ZNF267: variants seen among roughly 807,000 people sequenced by gnomAD.
ZNF267 encodes zinc finger (C2H2).
In ZNF267, 61 loss-of-function variants were observed where a neutral mutation model predicts 71.6. That is an observed-to-expected ratio of 0.85 (90% CI 0.69 to 1.05). The LOEUF is 1.05. Among genes scored for constraint, ZNF267 ranks in the 50% least tolerant of loss-of-function variants. The pLI, the probability that ZNF267 is intolerant of heterozygous loss-of-function variation, is 0.00. For missense variants in ZNF267, 852 were observed against 870.0 expected, an observed-to-expected ratio of 0.98 and a Z score of 0.26; for synonymous variants, 288 against 293.2, an observed-to-expected ratio of 0.98 and a Z score of 0.18.
chr16:31,873,824 C>T lies in ZNF267; in HGVS notation c.-143C>T, dbSNP rs558306958. ...TCGGCTCCAGTTAGAGCTCGGGTCT[C>T]CTCGCCACAGCTCCGAGTCTTTCGT... On this transcript the variant is annotated 5_prime_UTR_variant, in exon 1 of 4. Coordinates refer to ENST00000300870, the MANE Select transcript of ZNF267 (RefSeq NM_003414.6). 5 of 1,190,954 alleles carry T rather than the reference C, an allele frequency of 4.2e-6. No homozygotes were observed. The highest frequency in any genetic ancestry group is 2.5e-5 in the East Asian group (1 of 39,992). 73.8% of individuals were successfully genotyped at this position (1,190,954 alleles called of 1,614,324 possible). A position where few individuals can be genotyped will look rare whatever the true frequency, so the allele number is the denominator to read the frequency against.
chr16:31,887,397 T>A (rs898592101), intron 3 of ZNF267, among the ~76,000 whole-genome samples: 2 of 152,128 alleles, frequency 1.3e-5, no homozygotes, highest in Non-Finnish European at 2.9e-5. Flanking sequence ...TTTCATTTAA[T>A]GCTACTTGTT....
At position 31,915,467 on chromosome 16, in the gene ZNF267, A is replaced by C; in HGVS notation, c.1218A>C (p.Lys406Asn). The change falls in exon 4 of 4, where the codon AAA becomes AAC. Residue 406 changes from lysine (K) to asparagine (N), a missense_variant. Lys to Asn is a moderately conservative substitution (Grantham distance 94). Transcript: ENST00000300870. ...ATCAGAGAATTCACACTGGAGAGAA[A>C]CCATACAAATGTAAAGAATGTGGCA... ...IVHQRIHTGEKPYKCKECGKA... is the reference protein window; with the variant it reads ...IVHQRIHTGENPYKCKECGKA... The C allele has an allele frequency of 6.2e-7, 1 of 1,613,908 alleles. No homozygotes were observed. The highest frequency in any genetic ancestry group is 2.2e-5 in the East Asian group (1 of 44,840).
intron 1 of ZNF267, among the ~76,000 whole-genome samples, chr16:31,882,195 C>T (rs549481441): frequency 6.6e-6 from 1 of 152,274 alleles, no homozygotes; most frequent in Non-Finnish European, 1.5e-5. Flanking sequence ...GCACATAGTA[C>T]AAGCTCAATA....
Position 31,914,674 on chromosome 16 carries a change from C to A in ZNF267, c.425C>A (p.Ser142Tyr), listed in dbSNP as rs538810693. ...KTFKYDQFDE[S>Y]SVESLFHQQI... ...TTTAAATATGATCAATTTGATGAAT[C>A]CTCTGTTGAAAGTTTGTTTCACCAG... Residue 142 changes from serine (S) to tyrosine (Y), a missense_variant, in exon 4 of 4, where the codon TCC becomes TAC. Coordinates refer to ENST00000300870, the MANE Select transcript of ZNF267 (RefSeq NM_003414.6). 6.2e-7 allele frequency: 1 copy of A among 1,614,070 alleles called. No individual in the cohort carries two copies. The highest frequency in any genetic ancestry group is 8.5e-7 in the Non-Finnish European group (1 of 1,179,976).
chr16:31,906,768 G>GGGCT (rs1368290446), intron 3 of ZNF267, among the ~76,000 whole-genome samples: 1 of 151,864 alleles, frequency 6.6e-6, no homozygotes, highest in African/African-American at 2.4e-5. Flanking sequence ...CACGCACGGT[G>GGGCT]GGCTGCACCC....
At chr16:31,888,151 GT>G (rs768251533) in intron 3 of ZNF267, among the ~76,000 whole-genome samples, 51 of 151,622 alleles carry the variant, frequency 3.4e-4, no homozygotes, top group Non-Finnish European at 6.0e-4. Context: ...AGATTTTTTT[GT>G]AACTTTTTTC....
intron 3 of ZNF267, among the ~76,000 whole-genome samples, chr16:31,904,671 A>T (rs1209537567): frequency 6.6e-6 from 1 of 152,172 alleles, no homozygotes; most frequent in Non-Finnish European, 1.5e-5. Context: ...TTTTGAGCCT[A>T]TATGTGTCTC....
intron 2 of ZNF267, 83 bp downstream of exon 2, chr16:31,884,707 G>T: frequency 1.4e-6 from 2 of 1,390,082 alleles, no homozygotes; most frequent in Non-Finnish European, 1.9e-6. Context: ...CTTGTGCTTT[G>T]TATGAGTTAG....
At chr16:31,901,780 C>T (rs578176634) in intron 3 of ZNF267, among the ~76,000 whole-genome samples, 1 of 152,294 alleles carries the variant, frequency 6.6e-6, no homozygotes, top group South Asian at 2.1e-4. Context: ...CTTTGCTGTG[C>T]AGAAGCTCTT....
intron 3 of ZNF267, among the ~76,000 whole-genome samples, chr16:31,886,747 A>G (rs750193372): frequency 6.6e-6 from 1 of 152,132 alleles, no homozygotes; most frequent in Admixed American, 6.5e-5. Flanking sequence ...TTATTCATCC[A>G]TGTTGTCAGA....
intron 3 of ZNF267, among the ~76,000 whole-genome samples, chr16:31,911,357 G>A (rs1385716411): frequency 1.1e-4 from 17 of 151,574 alleles, no homozygotes; most frequent in Admixed American, 1.1e-3. Flanking sequence ...AGTGTAGGGT[G>A]CATGGATATT....
At chr16:31,893,455 C>T (rs191382670) in intron 3 of ZNF267, among the ~76,000 whole-genome samples, 3 of 152,358 alleles carry the variant, frequency 2.0e-5, no homozygotes, top group East Asian at 3.9e-4. Context: ...GAAATATCTG[C>T]AGCTGGCCTG....
intron 3 of ZNF267, among the ~76,000 whole-genome samples, chr16:31,904,956 C>G (rs1290253338): frequency 3.3e-5 from 5 of 152,080 alleles, no homozygotes; most frequent in Non-Finnish European, 7.4e-5. Flanking sequence ...GTGCTTCCTT[C>G]AGGAGCTCTT....
intron 3 of ZNF267, 114 bp downstream of exon 3, chr16:31,885,370 A>G (rs1357547126): frequency 1.2e-6 from 1 of 858,818 alleles, no homozygotes; most frequent in Non-Finnish European, 1.7e-6. Context: ...TTTTTGAGAC[A>G]CCTGGCTTTA....
intron 3 of ZNF267, among the ~76,000 whole-genome samples, chr16:31,901,044 T>C (rs2084036966): frequency 6.6e-6 from 1 of 152,042 alleles, no homozygotes; most frequent in African/African-American, 2.4e-5. Context: ...AGTGAGAACA[T>C]GCGGTGTTTC....
chr16:31,874,153 G>A, intron 1 of ZNF267, 184 bp downstream of exon 1: 1 of 632,226 alleles, frequency 1.6e-6, no homozygotes, highest in Non-Finnish European at 2.7e-6. Context: ...GCCGGCAGCC[G>A]GGACCCCGCG....
At chr16:31,881,670 C>CTTTTTTTTTT (rs747627467) in intron 1 of ZNF267, among the ~76,000 whole-genome samples, 1 of 125,542 alleles carries the variant, frequency 8.0e-6, no homozygotes, top group African/African-American at 3.1e-5. Context: ...TTTTCTTCTT[C>CTTTTTTTTTT]TTTTTTTTTT....
chr16:31,915,657 A>C lies in ZNF267; in HGVS notation c.1408A>C (p.Ser470Arg), dbSNP rs774072165. Residue 470 changes from serine to arginine, a missense_variant, in exon 4 of 4, where the codon AGC becomes CGC. Coordinates refer to ENST00000300870, the MANE Select transcript of ZNF267 (RefSeq NM_003414.6). Reference sequence around the variant, plus strand: ...AAAACTTTACAAATGTAAAGTATGTAGCAAATCTTATGCTCGTTCTTCAAA... The same window carrying C: ...AAAACTTTACAAATGTAAAGTATGTCGCAAATCTTATGCTCGTTCTTCAAA... Reference protein sequence around the residue: ...GEKLYKCKVCSKSYARSSNLI... With the variant: ...GEKLYKCKVCRKSYARSSNLI... 4 of 1,613,810 alleles carry C rather than the reference A, an allele frequency of 2.5e-6. No individual in the cohort carries two copies. The highest frequency in any genetic ancestry group is 3.4e-6 in the Non-Finnish European group (4 of 1,179,976).
At chr16:31,878,379 C>T (rs985487215) in intron 1 of ZNF267, among the ~76,000 whole-genome samples, 9 of 152,110 alleles carry the variant, frequency 5.9e-5, no homozygotes, top group Non-Finnish European at 1.2e-4. Flanking sequence ...CACATGATTC[C>T]CACCCACTCC....
Sources: allele counts gnomAD v4.1 joint callset (sites outside exome capture counted in the v4.1 genomes callset), GRCh38; gene constraint gnomAD v4.1.1; transcripts MANE v1.5; gene names NCBI Gene and HGNC (gene_info 2026-07-23, HGNC 2026-07-21).